PDXDC1: variants seen among roughly 807,000 people sequenced by gnomAD.
PDXDC1 encodes the protein pyridoxal dependent decarboxylase domain containing 1, also known as pyridoxal-dependent decarboxylase domain-containing protein 1.
PDXDC1 carries 42 observed loss-of-function variants against 100.1 expected under a neutral mutation model. The ratio of observed to expected loss-of-function variants is 0.42; its 90% CI spans 0.33 to 0.54. PDXDC1 has a LOEUF of 0.54. Among genes scored for constraint, PDXDC1 ranks in the 20% least tolerant of loss-of-function variants. The probability of loss-of-function intolerance (pLI) is 0.10; values close to 1 mark genes in which losing one functional copy is unlikely to be tolerated. For synonymous variants in PDXDC1, 260 were observed against 371.7 expected, an observed-to-expected ratio of 0.70 and a Z score of 3.46; for missense variants, 636 against 979.2, an observed-to-expected ratio of 0.65 and a Z score of 4.68.
chr16:15,110,092 C>G lies in PDXDC1; in HGVS notation c.1400-28787C>G, dbSNP rs562016468. On this transcript the variant is annotated intron_variant, in intron 16 of 16. Transcript: ENST00000535621. ...TTGCTTGAACCCAAAAGACAGTGAG[C>G]TGAGATTGTGCCATTGCACTACAGC... is the stretch of plus-strand genomic sequence containing the variant. Among the ~76,000 whole-genome samples the G allele has an allele frequency of 6.1e-4, 91 of 148,946 alleles. 5 individuals are homozygous for G. Among genetic ancestry groups the G allele is most frequent in the African/African-American group, 2.0e-3 (84 of 41,062 alleles).
chr16:15,122,209 A>G (rs1235467113), intron 16 of PDXDC1, among the ~76,000 whole-genome samples: 2 of 151,854 alleles, frequency 1.3e-5, no homozygotes, highest in Non-Finnish European at 2.9e-5. Context: ...AGATGACACA[A>G]ATCAAATGAC....
intron 16 of PDXDC1, among the ~76,000 whole-genome samples, chr16:15,129,027 G>A (rs541059884): frequency 6.6e-5 from 10 of 151,332 alleles, no homozygotes; most frequent in Admixed American, 3.3e-4. Flanking sequence ...GGATGGTCTC[G>A]ATCTCCTGAC....
intron 16 of PDXDC1, chr16:15,127,308 G>T: frequency 1.5e-6 from 1 of 646,472 alleles, no homozygotes; most frequent in South Asian, 1.5e-5. Context: ...CTTTCTCCCT[G>T]GTCAGTCTAG....
chr16:15,046,786 A>C (rs1265715553), intron 16 of PDXDC1, among the ~76,000 whole-genome samples: 1 of 151,562 alleles, frequency 6.6e-6, no homozygotes. Flanking sequence ...GAGGTCGGAG[A>C]ATCACCTGAG....
At position 15,127,878 on chromosome 16, in the gene PDXDC1, G is replaced by A. The variant is rs1361932100; in HGVS notation, c.1400-11001G>A. 12 of 1,553,324 alleles carry A rather than the reference G, an allele frequency of 7.7e-6. No homozygotes were observed. The Admixed American group carries it at 1.3e-4, about 17-fold the overall frequency. On this transcript the variant is annotated intron_variant, in intron 16 of 16. Transcript: ENST00000535621. ...GCTCAGCCACCAGCAGGCGCCGGAAGCGCAACAGGGCTGCGTGACCTAGAA... is the reference window on the plus strand; with the variant it reads ...GCTCAGCCACCAGCAGGCGCCGGAAACGCAACAGGGCTGCGTGACCTAGAA...
chr16:15,009,396 A>C (rs1162948584), intron 7 of PDXDC1: 5 of 534,430 alleles, frequency 9.4e-6, no homozygotes, highest in Non-Finnish European at 1.6e-5. Flanking sequence ...GTTTTAGGAG[A>C]GTTAAGAGAA....
At chr16:15,078,209 C>G (rs1406389920) in intron 16 of PDXDC1, among the ~76,000 whole-genome samples, 1 of 152,196 alleles carries the variant, frequency 6.6e-6, no homozygotes, top group East Asian at 1.9e-4. Context: ...GAGCACTGCA[C>G]CAGTGAGCCC....
chr16:15,003,182 A>G (rs1484990190), intron 4 of PDXDC1, among the ~76,000 whole-genome samples: 1 of 151,614 alleles, frequency 6.6e-6, no homozygotes, highest in Non-Finnish European at 1.5e-5. Context: ...GCAATAAATA[A>G]TTCTTATTTG....
In PDXDC1 at chr16:15,137,797, A is replaced by G. The variant is rs913585225; in HGVS notation, c.1400-1082A>G. 1.5e-3 allele frequency: 2,448 copies of G among 1,581,012 alleles called. 5 individuals carry two copies. Among genetic ancestry groups the G allele is most frequent in the Non-Finnish European group, 2.0e-3 (2,301 of 1,172,260 alleles). ...AGGGGATGCCAAGCAGAGGCTGGCC[A>G]GCCAGGGAGTCAGGCCCAGCACACG... is the stretch of plus-strand genomic sequence containing the variant. On this transcript the variant is annotated intron_variant, in intron 16 of 16. Transcript: ENST00000535621.
chr16:15,108,288 T>C lies in PDXDC1; in HGVS notation c.1400-30591T>C. On this transcript the variant is annotated intron_variant, in intron 16 of 16. Transcript: ENST00000535621. ...GGATCTCACCTGATACTTGGTTTTA[T>C]AGGAAGGATGTATAAAATTCCCAGA... The C allele has an allele frequency of 4.3e-6, 4 of 935,626 alleles. 1 individual carries two copies. Among genetic ancestry groups the C allele is most frequent in the Non-Finnish European group, 5.1e-6 (4 of 784,250 alleles). 58.0% of individuals were successfully genotyped at this position (935,626 alleles called of 1,614,324 possible). A position where few individuals can be genotyped will look rare whatever the true frequency, so the allele number is the denominator to read the frequency against.
At chr16:15,074,018 T>C (rs573693011) in intron 16 of PDXDC1, among the ~76,000 whole-genome samples, 1 of 152,194 alleles carries the variant, frequency 6.6e-6, no homozygotes, top group Non-Finnish European at 1.5e-5. Flanking sequence ...AATACTCTCC[T>C]ACATATACAG....
At chr16:15,140,548 A>T (rs909561928), downstream of PDXDC1, among the ~76,000 whole-genome samples, 2 of 152,104 alleles carry the variant, frequency 1.3e-5, no homozygotes, top group African/African-American at 4.8e-5. Flanking sequence ...AGGCAATTAA[A>T]AGAAGCACAA....
the PDXDC1 span, among the ~76,000 whole-genome samples, chr16:15,148,729 T>G: frequency 6.6e-6 from 1 of 151,844 alleles, no homozygotes; most frequent in Non-Finnish European, 1.5e-5. Flanking sequence ...GTGTTCCCTG[T>G]ATGATCTGGA....
intron 12 of PDXDC1, among the ~76,000 whole-genome samples, chr16:15,021,444 T>A (rs1422426682): frequency 1.3e-5 from 2 of 152,288 alleles, no homozygotes; most frequent in Admixed American, 6.5e-5. Context: ...CTGCATTTTT[T>A]GAAAAGTGTC....
At chr16:15,151,978 C>T in the PDXDC1 span, among the ~76,000 whole-genome samples, 1 of 96,856 alleles carries the variant, frequency 1.0e-5, no homozygotes, top group Non-Finnish European at 2.1e-5. Context: ...GGGGAAGGGT[C>T]GGGGCAGGGA....
At chr16:15,015,004 C>T (rs1450681308) in intron 8 of PDXDC1, among the ~76,000 whole-genome samples, 2 of 152,292 alleles carry the variant, frequency 1.3e-5, no homozygotes, top group African/African-American at 4.8e-5. Context: ...GTGGCACGAT[C>T]TCGGCTCACT....
chr16:15,009,844 A>G (rs1366406636), intron 8 of PDXDC1, 85 bp downstream of exon 8: 64 of 1,608,578 alleles, frequency 4.0e-5, no homozygotes, highest in Non-Finnish European at 5.2e-5. Context: ...AAGTCTTAAG[A>G]AATGTGTGTG....
At chr16:15,089,786 C>CGAA (rs2046053594) in intron 16 of PDXDC1, among the ~76,000 whole-genome samples, 1 of 66,574 alleles carries the variant, frequency 1.5e-5, no homozygotes, top group Non-Finnish European at 2.5e-5. Context: ...GGCGACAGAG[C>CGAA]AAAAAAAAAA....
intron 16 of PDXDC1, among the ~76,000 whole-genome samples, chr16:15,081,671 T>C (rs535114759): frequency 1.3e-5 from 2 of 152,336 alleles, no homozygotes; most frequent in Non-Finnish European, 2.9e-5. Flanking sequence ...ATAACAACGT[T>C]TAATTTTGAA....
Sources: allele counts gnomAD v4.1 joint callset (sites outside exome capture counted in the v4.1 genomes callset), GRCh38; gene constraint gnomAD v4.1.1; transcripts MANE v1.5; gene names NCBI Gene and HGNC (gene_info 2026-07-23, HGNC 2026-07-21).